CHD8: variants seen among roughly 807,000 people sequenced by gnomAD.
CHD8 encodes ATP-dependent chromatin remodeler CHD8.
Under a neutral mutation model 279.2 loss-of-function variants are expected in CHD8, and 31 were observed. The ratio of observed to expected loss-of-function variants is 0.11; its 90% confidence interval spans 0.08 to 0.15. The LOEUF (loss-of-function observed/expected upper bound fraction) is 0.15. CHD8 is among the 10% of genes least tolerant of loss of function. The pLI, the probability that CHD8 is intolerant of heterozygous loss-of-function variation, is 1.00. For synonymous variants in CHD8, 1,081 were observed against 1,139.6 expected, an observed-to-expected ratio of 0.95 and a Z score of 1.04; for missense variants, 2,146 against 3,230.5, an observed-to-expected ratio of 0.66 and a Z score of 8.14.
chr14:21,392,536 C>T lies in CHD8; in HGVS notation c.6742G>A (p.Glu2248Lys). 2.5e-6 allele frequency: 4 copies of T among 1,612,850 alleles called. No homozygotes were observed. Among genetic ancestry groups the T allele is most frequent in the African/African-American group, 2.7e-5 (2 of 75,016 alleles). The change falls in exon 34 of 38, where the codon GAA becomes AAA. Residue 2248 changes from glutamate to lysine, a missense_variant. Glu to Lys is a moderately conservative substitution (Grantham distance 56). Transcript: ENST00000646647. Reference protein sequence around the residue: ...QFTKLRRGMDEKEFTVQIKDE... With the variant: ...QFTKLRRGMDKKEFTVQIKDE... ...TTGATTTGAACTGTAAACTCCTTTT[C>T]ATCCATGCCTCGGCGAAGTTTGGTG...
intron 1 of CHD8, among the ~76,000 whole-genome samples, chr14:21,448,008 G>A (rs927686100): frequency 1.3e-5 from 2 of 152,184 alleles, no homozygotes; most frequent in Non-Finnish European, 2.9e-5. Flanking sequence ...TTAGGTAACA[G>A]ATTCATGTCC....
intron 1 of CHD8, among the ~76,000 whole-genome samples, chr14:21,454,109 G>C (rs1007523534): frequency 3.3e-5 from 5 of 150,758 alleles, no homozygotes; most frequent in Non-Finnish European, 5.9e-5. Context: ...AGTGAGCCGA[G>C]ATCCTGCCAC....
In CHD8 at chr14:21,414,490, G is replaced by C. The variant is rs17792659; in HGVS notation, c.2025-72C>G. The stretch of plus-strand genomic sequence containing the variant: ...GGCAGGCTACTGTCTGAAATTTTGG[G>C]ATTAGTCAGAAGCAGACATAACAAA... On this transcript the variant is annotated intron_variant, in intron 8 of 37. Coordinates refer to ENST00000646647, the MANE Select transcript of CHD8 (RefSeq NM_001170629.2). The C allele has an allele frequency of 1.0e-3, 813 of 798,570 alleles. 6 individuals are homozygous for C. The African/African-American group carries it at 0.013, about 13-fold the overall frequency. The allele number at this position is 798,570 out of a possible 1,614,324, so 49.5% of individuals were successfully genotyped here. A position where few individuals can be genotyped will look rare whatever the true frequency, so the allele number is the denominator to read the frequency against.
intron 5 of CHD8, among the ~76,000 whole-genome samples, chr14:21,418,875 G>C (rs1026585753): frequency 1.3e-5 from 2 of 152,208 alleles, no homozygotes; most frequent in East Asian, 1.9e-4. Context: ...TCTAAGGTAA[G>C]AGAGAGCAGA....
At chr14:21,421,283 T>C (rs1214707874) in intron 5 of CHD8, among the ~76,000 whole-genome samples, 1 of 151,844 alleles carries the variant, frequency 6.6e-6, no homozygotes, top group Non-Finnish European at 1.5e-5. Context: ...ACATACATAC[T>C]TTAAACATTA....
At chr14:21,438,269 T>G (rs1204519560) in intron 1 of CHD8, among the ~76,000 whole-genome samples, 7 of 151,834 alleles carry the variant, frequency 4.6e-5, no homozygotes, top group Admixed American at 4.6e-4. Flanking sequence ...CTATGTTGGC[T>G]AGGCTGGTCT....
At position 21,391,545 on chromosome 14, in the gene CHD8, C is replaced by A; in HGVS notation, c.6983G>T (p.Gly2328Val). 6.2e-7 allele frequency: 1 copy of A among 1,613,848 alleles called. No individual in the cohort carries two copies. The highest frequency in any genetic ancestry group is 8.5e-7 in the Non-Finnish European group (1 of 1,179,804). The change falls in exon 36 of 38, where the codon GGT becomes GTT. Residue 2328 changes from glycine (G) to valine (V), a missense_variant. Coordinates refer to ENST00000646647, the MANE Select transcript of CHD8 (RefSeq NM_001170629.2). ...TTCAGCCCGGCGAGGGGCATCCTCA[C>A]CCACCAGCAAAGTACCATCCACCTT... Reference protein sequence around the residue: ...INKVDGTLLVGEDAPRRAELE... With the variant: ...INKVDGTLLVVEDAPRRAELE...
In CHD8 at chr14:21,393,179, T is replaced by C. The variant is rs1742062417; in HGVS notation, c.6395A>G (p.Asn2132Ser). The change falls in exon 33 of 38, where the codon AAT becomes AGT. Residue 2132 changes from asparagine to serine, a missense_variant. Asn to Ser is a conservative substitution (Grantham distance 46, BLOSUM62 1). This residue lies in a region of CHD8 where 513 missense variants were observed against 637.6 expected (regional missense o/e 0.80). Coordinates refer to ENST00000646647, the MANE Select transcript of CHD8 (RefSeq NM_001170629.2). ...AGGGGTCATTTGTTCTCCATCTTCA[T>C]TTGGGAATCCATCTTGGGACATAGT... ...SLTMSQDGFP[N>S]EDGEQMTPEL... 1 of 1,613,838 alleles carries C rather than the reference T, an allele frequency of 6.2e-7. No individual in the cohort carries two copies. Among genetic ancestry groups the C allele is most frequent in the African/African-American group, 1.3e-5 (1 of 74,918 alleles).
chr14:21,435,007 A>G (rs1889721081), intron 1 of CHD8, among the ~76,000 whole-genome samples: 1 of 152,208 alleles, frequency 6.6e-6, no homozygotes, highest in South Asian at 2.1e-4. Context: ...GTTGGTTTCA[A>G]TGCAAAGTAA....
chr14:21,392,641 C>G lies in CHD8; in HGVS notation c.6637G>C (p.Val2213Leu). 1.2e-6 allele frequency: 2 copies of G among 1,613,992 alleles called. No homozygotes were observed. Among genetic ancestry groups the G allele is most frequent in the Non-Finnish European group, 1.7e-6 (2 of 1,179,888 alleles). The change falls in exon 34 of 38, where the codon GTC becomes CTC. Residue 2213 changes from valine (V) to leucine (L), a missense_variant. Val to Leu is a conservative substitution (Grantham distance 32). Around this residue, in one of 26 missense-constraint regions of CHD8, gnomAD observed 513 missense variants for 637.6 expected, o/e 0.80. Transcript: ENST00000646647. ...GCACTACTACTTCGTGGTGTGGGGA[C>G]TGGAGAGTCACCATATTCTCCAGGA... ...LTPGEYGDSP[V>L]PTPRSSSAAS...
rs750610577 is a variant in CHD8 at position 21,402,447 on chromosome 14, G to A, written c.3771C>T (p.Leu1257=). Residue 1257 remains leucine (L), a synonymous_variant, in exon 19 of 38, where the codon CTC becomes CTT. Coordinates refer to ENST00000646647, the MANE Select transcript of CHD8 (RefSeq NM_001170629.2). The surrounding 1 kb of genome is among the most constrained non-coding windows in gnomAD (Gnocchi z 4.5). ...GQSKAVKVYR[L]ITRNSYEREM... ...CTCTCTCGTAGGAATTACGAGTGATGAGGCGGTACACCTTCACAGCTTTGC... is the reference window on the plus strand; with the variant it reads ...CTCTCTCGTAGGAATTACGAGTGATAAGGCGGTACACCTTCACAGCTTTGC... 1 of 1,614,154 alleles carries A rather than the reference G, an allele frequency of 6.2e-7. No homozygotes were observed. The highest frequency in any genetic ancestry group is 8.5e-7 in the Non-Finnish European group (1 of 1,180,006).
At chr14:21,397,642 G>A (rs1887847546) in intron 27 of CHD8, 181 bp downstream of exon 27, 1 of 582,460 alleles carries the variant, frequency 1.7e-6, no homozygotes, top group African/African-American at 1.9e-5. Flanking sequence ...ACCCTCAGAT[G>A]TATCTTATGG....
chr14:21,386,430 C>T (rs573697440), intron 37 of CHD8: 2 of 539,334 alleles, frequency 3.7e-6, no homozygotes, highest in East Asian at 3.1e-5. Flanking sequence ...CCAGTTTTTG[C>T]TTCTTTTCCC....
At chr14:21,394,605 C>CAAAAA (rs3068337) in intron 30 of CHD8, 120 bp from the exon 31 acceptor site, 27 of 109,112 alleles carry the variant, frequency 2.5e-4, no homozygotes, top group South Asian at 5.0e-4. Context: ...AAAGTAGACG[C>CAAAAA]AAAAAAAAAA....
chr14:21,429,715 A>G (rs1347665227), intron 2 of CHD8: 1 of 352,934 alleles, frequency 2.8e-6, no homozygotes, highest in East Asian at 7.3e-5. Flanking sequence ...TTGGCATAGC[A>G]CACCACAGCC....
At chr14:21,444,880 A>C (rs572667176) in intron 1 of CHD8, among the ~76,000 whole-genome samples, 29 of 152,198 alleles carry the variant, frequency 1.9e-4, no homozygotes, top group Non-Finnish European at 4.1e-4. Flanking sequence ...TATGTCTCTC[A>C]TATCTCTGGG....
intron 1 of CHD8, chr14:21,455,078 T>C (rs967226495): frequency 2.0e-5 from 3 of 152,190 alleles, no homozygotes; most frequent in Admixed American, 6.5e-5. Context: ...GCTGTGATGG[T>C]AGGATGCAGC....
intron 1 of CHD8, among the ~76,000 whole-genome samples, chr14:21,438,500 C>T (rs1470498668): frequency 1.6e-5 from 2 of 126,268 alleles, no homozygotes; most frequent in Non-Finnish European, 3.3e-5. Context: ...TACATAGTAA[C>T]ACCTAGTCTC....
intron 25 of CHD8, 21 bp from the exon 26 acceptor site, chr14:21,399,726 A>G (rs1423108057): frequency 4.0e-6 from 6 of 1,486,982 alleles, no homozygotes; most frequent in Non-Finnish European, 9.4e-7. Flanking sequence ...AAGAGGGCAG[A>G]GTCAGCACAG....
Sources: allele counts gnomAD v4.1 joint callset (sites outside exome capture counted in the v4.1 genomes callset), GRCh38; gene constraint gnomAD v4.1.1; regional missense constraint gnomAD v4.1.1; non-coding constraint Gnocchi (gnomAD v3.1); transcripts MANE v1.5; gene names NCBI Gene and HGNC (gene_info 2026-07-23, HGNC 2026-07-21).